The following COL24A1 variants were observed in gnomAD, a reference collection of about 807,000 sequenced individuals.
COL24A1 encodes collagen type XXIV alpha 1 chain.
COL24A1 carries 224 observed loss-of-function variants against 253.9 expected under a neutral mutation model. That is an observed-to-expected ratio of 0.88 (90% CI 0.79 to 0.99). The LOEUF (loss-of-function observed/expected upper bound fraction) is 0.99. Ranked by LOEUF, COL24A1 falls within the 50% of genes least tolerant of loss-of-function variation. COL24A1 has a pLI of 0.00. For missense variants in COL24A1, 2,131 were observed against 2,068.5 expected (o/e 1.03, Z -0.59); for synonymous variants, 685 against 673.7 (o/e 1.02, Z -0.26).
chr1:86,111,631 G>T (rs936684257), intron 5 of COL24A1, among the ~76,000 whole-genome samples: 1 of 152,120 alleles, frequency 6.6e-6, no homozygotes, highest in African/African-American at 2.4e-5. Context: ...AACTGGCTTG[G>T]GTCCCCTTCC....
chr1:86,100,032 G>A (rs936717332), intron 5 of COL24A1, among the ~76,000 whole-genome samples: 2 of 151,994 alleles, frequency 1.3e-5, no homozygotes, highest in African/African-American at 2.4e-5. Context: ...ACATGCACAC[G>A]TATGTTTATT....
At chr1:85,848,778 C>T (rs1312047328) in intron 38 of COL24A1, among the ~76,000 whole-genome samples, 1 of 152,166 alleles carries the variant, frequency 6.6e-6, no homozygotes, top group Non-Finnish European at 1.5e-5. Context: ...GGATTCATAA[C>T]AGCTAAGAGG....
chr1:86,003,083 G>T (rs1695595279), intron 19 of COL24A1, among the ~76,000 whole-genome samples: 1 of 152,206 alleles, frequency 6.6e-6, no homozygotes, highest in Admixed American at 6.5e-5. Flanking sequence ...GCAGTATGGA[G>T]CCTATGGCAG....
At chr1:85,851,461 C>A (rs1677760178) in intron 37 of COL24A1, among the ~76,000 whole-genome samples, 1 of 151,960 alleles carries the variant, frequency 6.6e-6, no homozygotes, top group Non-Finnish European at 1.5e-5. Context: ...AGGGTATGTA[C>A]CCTGGAATTG....
At chr1:86,021,569 G>A (rs1194352960) in intron 18 of COL24A1, among the ~76,000 whole-genome samples, 15 of 152,112 alleles carry the variant, frequency 9.9e-5, no homozygotes, top group Admixed American at 5.9e-4. Context: ...GGATTGTTGT[G>A]AAGATTAATT....
At chr1:85,969,008 ATATACT>A (rs966981937) in intron 22 of COL24A1, among the ~76,000 whole-genome samples, 17 of 152,210 alleles carry the variant, frequency 1.1e-4, no homozygotes, top group African/African-American at 3.9e-4. Flanking sequence ...AAGATGATTC[ATATACT>A]TATAGCAATA....
chr1:85,949,036 C>T (rs970899884), intron 24 of COL24A1, among the ~76,000 whole-genome samples: 9 of 152,054 alleles, frequency 5.9e-5, no homozygotes, highest in African/African-American at 1.7e-4. Context: ...TTTTCAGTAT[C>T]GGTTATCGTG....
chr1:86,065,215 G>A (rs1701381756), intron 7 of COL24A1, among the ~76,000 whole-genome samples: 1 of 152,072 alleles, frequency 6.6e-6, no homozygotes, highest in African/African-American at 2.4e-5. Context: ...TTTAAAGTGT[G>A]TGTTTATTTA....
rs993661542 is a variant in COL24A1 at position 86,022,396 on chromosome 1, T to A, written c.2203-103A>T. On this transcript the variant is annotated intron_variant, in intron 17 of 59. Transcript: ENST00000370571. ...AAATTTCATAAAGTATGCTAAAATA[T>A]TGAGACAAAAGTTTCAAACAAGAAC... is the stretch of plus-strand genomic sequence containing the variant. The A allele has an allele frequency of 4.3e-6, 6 of 1,389,426 alleles. No homozygotes were observed. In the African/African-American group the frequency reaches 8.7e-5, roughly 20 times the overall value. The allele number at this position is 1,389,426 out of a possible 1,614,324, so 86.1% of individuals were successfully genotyped here.
At position 86,096,812 on chromosome 1, in the gene COL24A1, TATTTA is replaced by T. The variant is rs562990205; in HGVS notation, c.1600-4497_1600-4493del. Among the ~76,000 whole-genome samples, 10 of 152,354 alleles carry T rather than the reference TATTTA, an allele frequency of 6.6e-5. No homozygotes were observed. The South Asian group carries it at 2.1e-3, about 32-fold the overall frequency. ...TAACTTCTTTCATTGTTTGGTCTTT[TATTTA>T]ATGTGTCCAATAATTGTCTTAGTCA... On this transcript the variant is annotated intron_variant, in intron 5 of 59. Transcript: ENST00000370571.
At chr1:85,779,545 A>T (rs1292525471) in intron 52 of COL24A1, among the ~76,000 whole-genome samples, 1 of 152,178 alleles carries the variant, frequency 6.6e-6, no homozygotes, top group African/African-American at 2.4e-5. Context: ...GAGATAATTG[A>T]GTCGCCAAAT....
At chr1:85,786,730 C>A (rs1669724240) in intron 47 of COL24A1, among the ~76,000 whole-genome samples, 1 of 152,188 alleles carries the variant, frequency 6.6e-6, no homozygotes, top group Non-Finnish European at 1.5e-5. Context: ...CCAGTACCTT[C>A]TTACTTATAA....
At chr1:85,916,419 G>A (rs1453175766) in intron 24 of COL24A1, among the ~76,000 whole-genome samples, 1 of 152,110 alleles carries the variant, frequency 6.6e-6, no homozygotes, top group Non-Finnish European at 1.5e-5. Flanking sequence ...CCATGCCCAT[G>A]GATATCTTTA....
At position 85,784,262 on chromosome 1, in the gene COL24A1, C is replaced by G; in HGVS notation, c.4164G>C (p.Gln1388His). 1.2e-6 allele frequency: 2 copies of G among 1,613,944 alleles called. No individual in the cohort carries two copies. The highest frequency in any genetic ancestry group is 2.2e-5 in the South Asian group (2 of 91,072). Residue 1388 changes from glutamine (Q) to histidine (H), a missense_variant, in exon 49 of 60, where the codon CAG becomes CAC. Gln to His is a conservative substitution (Grantham distance 24). Coordinates refer to ENST00000370571, the MANE Select transcript of COL24A1 (RefSeq NM_152890.7). ...GPCGDPGLKGQPGEYGVQGLT... is the reference protein window; with the variant it reads ...GPCGDPGLKGHPGEYGVQGLT... ...GAATTTCTGAGGTGGTACATACAGG[C>G]TGCCCTTTCAGGCCAGGGTCTCCAC...
At chr1:85,857,458 CAAA>C (rs57368737) in intron 37 of COL24A1, among the ~76,000 whole-genome samples, 11 of 94,478 alleles carry the variant, frequency 1.2e-4, no homozygotes, top group Admixed American at 2.4e-4. Context: ...CCCTCTTCTC[CAAA>C]AAAAAAAAAA....
At chr1:85,913,744 G>A (rs1041943144) in intron 24 of COL24A1, among the ~76,000 whole-genome samples, 9 of 152,156 alleles carry the variant, frequency 5.9e-5, no homozygotes, top group Admixed American at 1.3e-4. Context: ...CTTAGGATAC[G>A]TCTTAATATC....
chr1:86,137,333 A>C (rs932711018), intron 2 of COL24A1, among the ~76,000 whole-genome samples: 2 of 152,222 alleles, frequency 1.3e-5, no homozygotes, highest in Admixed American at 1.3e-4. Context: ...CCATGTACCA[A>C]GCACTATTCT....
Position 86,048,472 on chromosome 1 carries a change from TTA to T in COL24A1, c.1906-1605_1906-1604del, listed in dbSNP as rs372275523. Reference sequence around the variant, plus strand: ...AATATCACAAACTGATCTTGTGTATTTATATGTTAAGACAGGTCTTGATTTTT... The same window carrying T: ...AATATCACAAACTGATCTTGTGTATTTATGTTAAGACAGGTCTTGATTTTT... On this transcript the variant is annotated intron_variant, in intron 11 of 59. Transcript: ENST00000370571. Among the ~76,000 whole-genome samples the T allele has an allele frequency of 1.4e-4, 21 of 152,140 alleles. No homozygotes were observed. In the South Asian group the frequency reaches 1.5e-3, roughly 11 times the overall value.
intron 57 of COL24A1, among the ~76,000 whole-genome samples, chr1:85,740,835 C>T (rs1327947553): frequency 2.0e-5 from 3 of 149,362 alleles, no homozygotes; most frequent in Non-Finnish European, 4.5e-5. Flanking sequence ...TAAGGCCGGG[C>T]ACGGTGGCTC....
Sources: allele counts gnomAD v4.1 joint callset (sites outside exome capture counted in the v4.1 genomes callset), GRCh38; gene constraint gnomAD v4.1.1; transcripts MANE v1.5; gene names NCBI Gene and HGNC (gene_info 2026-07-23, HGNC 2026-07-21).